Variants in SKP1 observed in about 807,000 individuals in gnomAD.
SKP1 encodes the protein S-phase kinase-associated protein 1.
In SKP1, 1 loss-of-function variant was observed where a neutral mutation model predicts 21.5. The ratio of observed to expected loss-of-function variants is 0.05; its 90% CI spans 0.02 to 0.22. SKP1 has a LOEUF of 0.22. Ranked by LOEUF, SKP1 falls within the 10% of genes least tolerant of loss-of-function variation. The pLI is 1.00. For missense variants in SKP1, 70 were observed against 192.0 expected (o/e 0.36, Z 3.76); for synonymous variants, 59 against 59.3 (o/e 0.99, Z 0.03).
rs1023604074 is a variant in SKP1 at position 134,150,457 on chromosome 5, C to A, written c.*7276G>T. ...CCTGCATCCGTTTCTCAGAAAACAG[C>A]ACAGAACAGAAGGGGTAAGGGTAAC... On this transcript the variant is annotated 3_prime_UTR_variant, in exon 6 of 6. Transcript: ENST00000353411. 3.9e-5 allele frequency: 6 copies of A among 152,176 alleles called. No individual in the cohort carries two copies. Among genetic ancestry groups the A allele is most frequent in the African/African-American group, 1.4e-4 (6 of 41,436 alleles). 9.4% of individuals were successfully genotyped at this position (152,176 alleles called of 1,614,324 possible).
chr5:134,167,616 G>A (rs987206296), intron 2 of SKP1, among the ~76,000 whole-genome samples: 10 of 151,048 alleles, frequency 6.6e-5, no homozygotes, highest in African/African-American at 1.2e-4. Flanking sequence ...TCCGCCTCCC[G>A]GGTTCACACC....
rs771236280 is a variant in SKP1, at chr5:134,151,674, A to C, written c.*6059T>G. 2.2e-6 allele frequency: 1 copy of C among 456,158 alleles called. No homozygotes were observed. Among genetic ancestry groups the C allele is most frequent in the Non-Finnish European group, 4.4e-6 (1 of 226,950 alleles). 28.3% of individuals were successfully genotyped at this position (456,158 alleles called of 1,614,324 possible). A position where few individuals can be genotyped will look rare whatever the true frequency, so the allele number is the denominator to read the frequency against. On this transcript the variant is annotated 3_prime_UTR_variant, in exon 6 of 6. Coordinates refer to ENST00000353411, the MANE Select transcript of SKP1 (RefSeq NM_170679.3). ...CTTCCAGAAAATTTAAAGTTGACAG[A>C]TATCAGAAGGTCGCAAGAACTACAG...
intron 1 of SKP1, chr5:134,174,499 A>T: frequency 2.0e-6 from 2 of 985,836 alleles, no homozygotes; most frequent in Non-Finnish European, 2.4e-6. Context: ...GTACATCAGA[A>T]TATGCTCATT....
intron 1 of SKP1, among the ~76,000 whole-genome samples, chr5:134,176,198 T>C (rs1761542151): frequency 6.6e-6 from 1 of 152,230 alleles, no homozygotes; most frequent in African/African-American, 2.4e-5. Context: ...ACTCTGACGA[T>C]GGTATCTGCT....
At chr5:134,163,275 C>G (rs1761255693) in intron 3 of SKP1, among the ~76,000 whole-genome samples, 1 of 133,630 alleles carries the variant, frequency 7.5e-6, no homozygotes, top group Admixed American at 7.2e-5. Flanking sequence ...AAATAAAAAA[C>G]TCTTAAAAGG....
chr5:134,158,993 C>G (rs1193436134), intron 4 of SKP1, among the ~76,000 whole-genome samples: 1 of 152,190 alleles, frequency 6.6e-6, no homozygotes, highest in Non-Finnish European at 1.5e-5. Flanking sequence ...GTTTCATTGA[C>G]TTTATTGTTT....
Position 134,151,432 on chromosome 5 carries a change from T to C in SKP1, c.*6301A>G, listed in dbSNP as rs1251409871. The C allele has an allele frequency of 4.1e-6, 1 of 244,502 alleles. No homozygotes were observed. The highest frequency in any genetic ancestry group is 9.4e-5 in the East Asian group (1 of 10,656). The allele number at this position is 244,502 out of a possible 1,614,324, so 15.1% of individuals were successfully genotyped here. On this transcript the variant is annotated 3_prime_UTR_variant, in exon 6 of 6. Coordinates refer to ENST00000353411, the MANE Select transcript of SKP1 (RefSeq NM_170679.3). ...CCGTAAGCTTCCTGGAACAGAAAAA[T>C]CTGCAAAGCAACTGAAGAAGGCAGT...
intron 3 of SKP1, among the ~76,000 whole-genome samples, chr5:134,166,937 G>A (rs965191257): frequency 2.0e-5 from 3 of 152,188 alleles, no homozygotes; most frequent in Non-Finnish European, 4.4e-5. Context: ...ACACAGTACA[G>A]ATGCCCAATA....
At chr5:134,159,623 C>A (rs1177667892) in intron 4 of SKP1, among the ~76,000 whole-genome samples, 2 of 151,920 alleles carry the variant, frequency 1.3e-5, no homozygotes, top group African/African-American at 4.8e-5. Context: ...TATCGGCTCA[C>A]TGCAAGCTCC....
intron 3 of SKP1, among the ~76,000 whole-genome samples, chr5:134,163,332 A>T (rs1761257912): frequency 6.6e-6 from 1 of 151,912 alleles, no homozygotes; most frequent in Non-Finnish European, 1.5e-5. Flanking sequence ...TGGTGCCAGT[A>T]AAAAAGAAAA....
At chr5:134,176,428 C>T (rs1761547422) in intron 1 of SKP1, among the ~76,000 whole-genome samples, 1 of 152,198 alleles carries the variant, frequency 6.6e-6, no homozygotes, top group Non-Finnish European at 1.5e-5. Flanking sequence ...CACCGACACA[C>T]GCCCACGCTC....
At chr5:134,166,450 G>A (rs1203292613) in intron 3 of SKP1, among the ~76,000 whole-genome samples, 4 of 151,200 alleles carry the variant, frequency 2.6e-5, no homozygotes, top group African/African-American at 7.3e-5. Flanking sequence ...GCATGGTGGC[G>A]TGTGCCTGTA....
At chr5:134,169,309 C>T (rs1419963818) in intron 2 of SKP1, among the ~76,000 whole-genome samples, 2 of 152,312 alleles carry the variant, frequency 1.3e-5, no homozygotes, top group East Asian at 3.9e-4. Context: ...TCTCTTCTCC[C>T]TCCCACCAAT....
At chr5:134,166,614 G>A in intron 3 of SKP1, among the ~76,000 whole-genome samples, 1 of 148,872 alleles carries the variant, frequency 6.7e-6, no homozygotes. Context: ...AAAGAATGTG[G>A]GAAAAAAATA....
At chr5:134,163,203 C>A (rs1415595754) in intron 3 of SKP1, among the ~76,000 whole-genome samples, 1 of 55,732 alleles carries the variant, frequency 1.8e-5, no homozygotes, top group African/African-American at 9.1e-5. Flanking sequence ...CAAGAGAGTG[C>A]GATTCTGTCA....
rs879101295 is a variant in SKP1, at chr5:134,158,441, T to C, written c.456+14A>G. On this transcript the variant is annotated intron_variant, in intron 5 of 5. Coordinates refer to ENST00000353411, the MANE Select transcript of SKP1 (RefSeq NM_170679.3). The stretch of plus-strand genomic sequence containing the variant: ...AAGAGCATGTGATCAAAGACAAAAC[T>C]GTGTGCTACCTACCTGGGCTTCCTC... 3 of 1,613,936 alleles carry C rather than the reference T, an allele frequency of 1.9e-6. No homozygotes were observed. The highest frequency in any genetic ancestry group is 1.7e-5 in the Admixed American group (1 of 60,004).
chr5:134,170,608 T>C (rs185595241), intron 2 of SKP1, among the ~76,000 whole-genome samples: 1 of 152,342 alleles, frequency 6.6e-6, no homozygotes, highest in Admixed American at 6.5e-5. Context: ...AGTTGCCAAA[T>C]TCAAAAGACT....
chr5:134,149,398 G>C lies in SKP1; in HGVS notation c.*8335C>G, dbSNP rs1319202006. ...CATGAATGTAAAAGGTGTCATGAAG[G>C]CACCTCAATAGGTCAGTCAACAAGT... is the stretch of plus-strand genomic sequence containing the variant. On this transcript the variant is annotated 3_prime_UTR_variant, in exon 6 of 6. Coordinates refer to ENST00000353411, the MANE Select transcript of SKP1 (RefSeq NM_170679.3). 1 of 152,184 alleles carries C rather than the reference G, an allele frequency of 6.6e-6. No homozygotes were observed. The allele number at this position is 152,184 out of a possible 1,614,324, so 9.4% of individuals were successfully genotyped here.
At chr5:134,171,653 C>T (rs10463913) in intron 2 of SKP1, among the ~76,000 whole-genome samples, 12,496 of 152,188 alleles carry the variant, frequency 0.082, 599 homozygotes, top group Admixed American at 0.15. Flanking sequence ...CAATTCCATC[C>T]CACCCCAACT....
Sources: allele counts gnomAD v4.1 joint callset (sites outside exome capture counted in the v4.1 genomes callset), GRCh38; gene constraint gnomAD v4.1.1; transcripts MANE v1.5; gene names NCBI Gene and HGNC (gene_info 2026-07-23, HGNC 2026-07-21).